PIK3CB: variants seen among roughly 807,000 people sequenced by gnomAD.
PIK3CB encodes the protein phosphatidylinositol 4,5-bisphosphate 3-kinase catalytic subunit beta isoform.
Under a neutral mutation model 136.8 loss-of-function variants are expected in PIK3CB, and 39 were observed. The observed-to-expected ratio is 0.29, with a 90% CI of 0.22 to 0.37. The LOEUF (loss-of-function observed/expected upper bound fraction) is 0.37, where lower values mean the gene tolerates loss of function less well. Among genes scored for constraint, PIK3CB ranks in the 10% least tolerant of loss-of-function variants. The pLI is 1.00. For synonymous variants in PIK3CB, 428 were observed against 436.6 expected, an observed-to-expected ratio of 0.98 and a Z score of 0.25; for missense variants, 868 against 1,275.4, an observed-to-expected ratio of 0.68 and a Z score of 4.87.
At chr3:138,819,164 C>T (rs9877108) in intron 1 of PIK3CB, among the ~76,000 whole-genome samples, 71,002 of 151,920 alleles carry the variant, frequency 0.47, 17,939 homozygotes, top group African/African-American at 0.6. Flanking sequence ...CTGGCTAACA[C>T]GGTAAAACCC....
At position 138,698,939 on chromosome 3, in the gene PIK3CB, T is replaced by C. The variant is rs1215972519; in HGVS notation, c.1738A>G (p.Ile580Val). 6 of 1,600,670 alleles carry C rather than the reference T, an allele frequency of 3.7e-6. No individual in the cohort carries two copies. Among genetic ancestry groups the C allele is most frequent in the South Asian group, 1.1e-5 (1 of 89,342 alleles). The change falls in exon 13 of 24, where the codon ATC becomes GTC. Residue 580 changes from isoleucine to valine, a missense_variant. This residue lies in a region of PIK3CB where 612 missense variants were observed against 801.1 expected (regional missense o/e 0.76). Transcript: ENST00000674063. Reference protein sequence around the residue: ...PQSLPKLLLSIKWNKLEDVAQ... With the variant: ...PQSLPKLLLSVKWNKLEDVAQ... ...ACATCCTCAAGTTTATTCCACTTGA[T>C]TGACAGCAGTAATTTTGGCAGTGAT...
intron 12 of PIK3CB, among the ~76,000 whole-genome samples, chr3:138,702,131 G>C (rs1032588070): frequency 2.7e-5 from 4 of 150,322 alleles, no homozygotes; most frequent in African/African-American, 9.8e-5. Context: ...TAAAGATACA[G>C]GGTCTTACTC....
chr3:138,788,834 C>T (rs938539810), intron 2 of PIK3CB, among the ~76,000 whole-genome samples: 2 of 147,182 alleles, frequency 1.4e-5, no homozygotes, highest in African/African-American at 5.0e-5. Context: ...CATAGTGGTA[C>T]GCACCTGTAA....
chr3:138,709,864 G>A lies in PIK3CB; in HGVS notation c.1399+2344C>T, dbSNP rs535349112. Reference sequence around the variant, plus strand: ...TGCTATATTTTATTGTATTGTGAAAGTTTAGTTCCTCCTAAGAAATATGTC... The same window carrying A: ...TGCTATATTTTATTGTATTGTGAAAATTTAGTTCCTCCTAAGAAATATGTC... On this transcript the variant is annotated intron_variant, in intron 10 of 23. Coordinates refer to ENST00000674063, the MANE Select transcript of PIK3CB (RefSeq NM_006219.3). Among the ~76,000 whole-genome samples, 5 of 152,110 alleles carry A rather than the reference G, an allele frequency of 3.3e-5. No homozygotes were observed. In the East Asian group the frequency reaches 9.6e-4, roughly 29 times the overall value.
intron 8 of PIK3CB, 142 bp from the exon 9 acceptor site, chr3:138,714,861 GC>G (rs2044576242): frequency 1.3e-6 from 1 of 756,334 alleles, no homozygotes; most frequent in Non-Finnish European, 2.0e-6. Flanking sequence ...GAAGAAACAT[GC>G]CAAGTTTTAG....
chr3:138,705,188 A>AAAAAAAAAAAAAAAAAAAAAAAT (rs1559828771), intron 11 of PIK3CB, among the ~76,000 whole-genome samples: 1 of 82,740 alleles, frequency 1.2e-5, no homozygotes, highest in African/African-American at 6.4e-5. Context: ...AAACAAAACA[A>AAAAAAAAAAAAAAAAAAAAAAAT]ACAAAAAAAA....
rs1266116906 is a variant in PIK3CB, at chr3:138,665,091, C to T, written c.2617G>A (p.Ala873Thr). The T allele has an allele frequency of 1.2e-6, 2 of 1,613,392 alleles. No individual in the cohort carries two copies. The highest frequency in any genetic ancestry group is 3.3e-5 in the Admixed American group (2 of 59,988). ...IQLNSSNVAA[A>T]AAFNKDALLN... Reference sequence around the variant, plus strand: ...AGGGCATCTTTGTTGAAGGCTGCTGCAGCAGCCACATTGCTACTGTTCAGC... The same window carrying T: ...AGGGCATCTTTGTTGAAGGCTGCTGTAGCAGCCACATTGCTACTGTTCAGC... Residue 873 changes from alanine (A) to threonine (T), a missense_variant, in exon 20 of 24, where the codon GCA (alanine) becomes ACA (threonine). This residue lies in a region of PIK3CB where 165 missense variants were observed against 295.4 expected (regional missense o/e 0.56). Coordinates refer to ENST00000674063, the MANE Select transcript of PIK3CB (RefSeq NM_006219.3).
At chr3:138,762,682 G>T (rs1181709511) in intron 2 of PIK3CB, among the ~76,000 whole-genome samples, 1 of 152,190 alleles carries the variant, frequency 6.6e-6, no homozygotes, top group East Asian at 1.9e-4. Flanking sequence ...TGCAGGGCCA[G>T]GTAGGGTGGC....
chr3:138,714,755 T>G, intron 8 of PIK3CB, 36 bp from the exon 9 acceptor site: 1 of 1,544,550 alleles, frequency 6.5e-7, no homozygotes, highest in South Asian at 1.2e-5. Flanking sequence ...AACAAAGTCA[T>G]GAATACTGTA....
chr3:138,805,000 G>A (rs1394573891), intron 1 of PIK3CB, among the ~76,000 whole-genome samples: 1 of 151,692 alleles, frequency 6.6e-6, no homozygotes, highest in Non-Finnish European at 1.5e-5. Context: ...ACTCCAGCCT[G>A]GGTGACACAG....
At chr3:138,665,236 T>A in intron 19 of PIK3CB, 33 bp from the exon 20 acceptor site, 1 of 1,477,226 alleles carries the variant, frequency 6.8e-7, no homozygotes, top group African/African-American at 1.4e-5. Context: ...AGAGTCATAT[T>A]TTCCTTAAAA....
chr3:138,826,114 C>T lies in PIK3CB; in HGVS notation c.-122+8581G>A, dbSNP rs140300465. The T allele has an allele frequency of 6.3e-3, 6,561 of 1,038,110 alleles. 37 individuals are homozygous for T. Among genetic ancestry groups the T allele is most frequent in the Non-Finnish European group, 8.4e-3 (5,719 of 684,544 alleles). 64.3% of individuals were successfully genotyped at this position (1,038,110 alleles called of 1,614,324 possible). A position where few individuals can be genotyped will look rare whatever the true frequency, so the allele number is the denominator to read the frequency against. On this transcript the variant is annotated intron_variant, in intron 1 of 23. Coordinates refer to ENST00000674063, the MANE Select transcript of PIK3CB (RefSeq NM_006219.3). ...TCTAGTAAGAAGCTGGAAGATGGCC[C>T]TAAATTCTTGAAGTCTGGTGGTGCT... is the stretch of plus-strand genomic sequence containing the variant.
At chr3:138,831,447 G>A (rs1023245601) in intron 1 of PIK3CB, among the ~76,000 whole-genome samples, 47 of 151,476 alleles carry the variant, frequency 3.1e-4, no homozygotes, top group Non-Finnish European at 8.8e-5. Flanking sequence ...TTAGCTGGGC[G>A]TGGTGGCGGG....
intron 14 of PIK3CB, among the ~76,000 whole-genome samples, chr3:138,694,578 T>C (rs1273875592): frequency 6.6e-6 from 1 of 152,162 alleles, no homozygotes; most frequent in Non-Finnish European, 1.5e-5. Context: ...AGGGTGATCT[T>C]GAGGACCTTC....
At chr3:138,657,582 C>T (rs2043214567) in intron 22 of PIK3CB, 108 bp downstream of exon 22, 8 of 981,548 alleles carry the variant, frequency 8.2e-6, no homozygotes, top group Non-Finnish European at 1.1e-5. Flanking sequence ...TATAATCAGA[C>T]TGAATATCTC....
intron 2 of PIK3CB, among the ~76,000 whole-genome samples, chr3:138,768,151 C>G (rs1399534731): frequency 6.6e-6 from 1 of 152,010 alleles, no homozygotes; most frequent in Non-Finnish European, 1.5e-5. Flanking sequence ...ACAGGAGGCC[C>G]TGAAATGGGT....
chr3:138,810,043 C>G (rs576614814), intron 1 of PIK3CB, among the ~76,000 whole-genome samples: 1 of 152,124 alleles, frequency 6.6e-6, no homozygotes, highest in East Asian at 1.9e-4. Flanking sequence ...CACACACACA[C>G]AATGACAGGA....
intron 2 of PIK3CB, among the ~76,000 whole-genome samples, chr3:138,759,771 C>T (rs567928321): frequency 1.3e-5 from 2 of 152,282 alleles, no homozygotes; most frequent in Admixed American, 1.3e-4. Flanking sequence ...TTAACCAGCA[C>T]TTGACAGGTG....
intron 8 of PIK3CB, among the ~76,000 whole-genome samples, chr3:138,721,988 T>C (rs2044734721): frequency 6.6e-6 from 1 of 152,136 alleles, no homozygotes; most frequent in African/African-American, 2.4e-5. Context: ...ATTCTGAATA[T>C]TATAACTGAT....
Sources: allele counts gnomAD v4.1 joint callset (sites outside exome capture counted in the v4.1 genomes callset), GRCh38; gene constraint gnomAD v4.1.1; regional missense constraint gnomAD v4.1.1; transcripts MANE v1.5; gene names NCBI Gene and HGNC (gene_info 2026-07-23, HGNC 2026-07-21).